IMPG1: variants seen among roughly 807,000 people sequenced by gnomAD.
IMPG1 encodes the protein interphotoreceptor matrix proteoglycan of 150 kDa.
In IMPG1, 85 loss-of-function variants were observed where a neutral mutation model predicts 92.0. The observed-to-expected ratio is 0.92, with a 90% CI of 0.78 to 1.11. The LOEUF is 1.11. Among genes scored for constraint, IMPG1 ranks in the 50% least tolerant of loss-of-function variants. The pLI is 0.00. For missense variants in IMPG1, 1,022 were observed against 956.0 expected, an observed-to-expected ratio of 1.07 and a Z score of -0.91; for synonymous variants, 367 against 334.1, an observed-to-expected ratio of 1.10 and a Z score of -1.08.
At chr6:75,925,718 T>G (rs1781538655) in intron 15 of IMPG1, among the ~76,000 whole-genome samples, 2 of 152,130 alleles carry the variant, frequency 1.3e-5, no homozygotes, top group Admixed American at 6.6e-5. Flanking sequence ...CAGGCTGGAG[T>G]GCAGTGGCAT....
intron 12 of IMPG1, among the ~76,000 whole-genome samples, chr6:75,990,552 G>C (rs1156724655): frequency 6.6e-6 from 1 of 150,970 alleles, no homozygotes; most frequent in Non-Finnish European, 1.5e-5. Flanking sequence ...CCAGGAGTTT[G>C]GGAACAGCCT....
In IMPG1 at chr6:75,921,439, C is replaced by T. The variant is rs534392955; in HGVS notation, c.*650G>A. On this transcript the variant is annotated 3_prime_UTR_variant, in exon 17 of 17. Coordinates refer to ENST00000369950, the MANE Select transcript of IMPG1 (RefSeq NM_001563.4). ...TAGTAACAAGAAAAGTAAGATTTTT[C>T]CATGGTATGTGTATCTGAACCTCAG... 1 of 152,532 alleles carries T rather than the reference C, an allele frequency of 6.6e-6. No individual in the cohort carries two copies. The highest frequency in any genetic ancestry group is 1.9e-4 in the East Asian group (1 of 5,186). 9.4% of individuals were successfully genotyped at this position (152,532 alleles called of 1,614,324 possible).
At chr6:76,013,489 A>G (rs536615933) in intron 7 of IMPG1, among the ~76,000 whole-genome samples, 2 of 152,168 alleles carry the variant, frequency 1.3e-5, no homozygotes, top group East Asian at 1.9e-4. Context: ...CAGCTCAGAC[A>G]TCTTCTGTAC....
At position 76,002,935 on chromosome 6, in the gene IMPG1, G is replaced by T. The variant is rs1562365582; in HGVS notation, c.1274C>A (p.Ala425Glu). The change falls in exon 12 of 17, where the codon GCA becomes GAA. Residue 425 changes from alanine (A) to glutamate (E), a missense_variant. Around this residue, in one of 3 missense-constraint regions of IMPG1, gnomAD observed 681 missense variants for 583.6 expected, o/e 1.17. Coordinates refer to ENST00000369950, the MANE Select transcript of IMPG1 (RefSeq NM_001563.4). ...VEPQLETVDG[A>E]EHGLPDTSWS... ...AAACTTACCAGGTAGACCATGCTCT[G>T]CTCCGTCCACTGTCTCAAGCTGGGG... The T allele has an allele frequency of 1.2e-6, 2 of 1,613,084 alleles. No homozygotes were observed. The highest frequency in any genetic ancestry group is 8.5e-7 in the Non-Finnish European group (1 of 1,179,176).
At chr6:76,036,640 T>C (rs369443028) in intron 2 of IMPG1, among the ~76,000 whole-genome samples, 2 of 152,174 alleles carry the variant, frequency 1.3e-5, no homozygotes, top group Non-Finnish European at 2.9e-5. Context: ...TTTTCAAGGA[T>C]AAACATAAAT....
At chr6:75,942,411 A>G (rs2149454321) in intron 14 of IMPG1, among the ~76,000 whole-genome samples, 1 of 152,326 alleles carries the variant, frequency 6.6e-6, no homozygotes, top group Admixed American at 6.5e-5. Flanking sequence ...GATTTTGAGC[A>G]TCATTTTCTC....
chr6:75,949,208 G>A (rs1404915286), intron 13 of IMPG1, among the ~76,000 whole-genome samples: 1 of 152,214 alleles, frequency 6.6e-6, no homozygotes, highest in Non-Finnish European at 1.5e-5. Flanking sequence ...CTACTGGGCT[G>A]CATTCCCAGA....
intron 15 of IMPG1, among the ~76,000 whole-genome samples, chr6:75,924,742 A>T (rs867524291): frequency 0.026 from 1,554 of 59,090 alleles, 353 homozygotes; most frequent in East Asian, 0.12. Flanking sequence ...TATAATATAT[A>T]ATATATAATA....
At position 76,003,876 on chromosome 6, in the gene IMPG1, C is replaced by T; in HGVS notation, c.1210G>A (p.Glu404Lys). The T allele has an allele frequency of 6.2e-7, 1 of 1,610,320 alleles. No homozygotes were observed. The highest frequency in any genetic ancestry group is 8.5e-7 in the Non-Finnish European group (1 of 1,178,098). Residue 404 changes from glutamate to lysine, a missense_variant and splice_region_variant, in exon 11 of 17, where the codon GAG becomes AAG. By Grantham distance (56) the Glu-to-Lys change is moderately conservative (BLOSUM62 1). Around this residue, in one of 3 missense-constraint regions of IMPG1, gnomAD observed 681 missense variants for 583.6 expected, o/e 1.17. Coordinates refer to ENST00000369950, the MANE Select transcript of IMPG1 (RefSeq NM_001563.4). ...ELPTSFAVITEDATLSPELPP... is the reference protein window; with the variant it reads ...ELPTSFAVITKDATLSPELPP... ...GAACAAAAGGACAACAAACTTACCT[C>T]TGTTATAACAGCAAAAGATGTGGGC... is the stretch of plus-strand genomic sequence containing the variant.
chr6:75,964,059 T>G (rs1782258185), intron 12 of IMPG1, among the ~76,000 whole-genome samples: 1 of 152,178 alleles, frequency 6.6e-6, no homozygotes, highest in Non-Finnish European at 1.5e-5. Context: ...GAAAAAGCAC[T>G]TTCAAAAGCT....
At chr6:75,961,396 T>A (rs186047883) in intron 12 of IMPG1, among the ~76,000 whole-genome samples, 99 of 152,318 alleles carry the variant, frequency 6.5e-4, no homozygotes, top group African/African-American at 2.2e-3. Flanking sequence ...AAAATGTTAA[T>A]TATCCACTCA....
chr6:76,055,341 T>C (rs766494528), intron 1 of IMPG1, among the ~76,000 whole-genome samples: 54 of 152,188 alleles, frequency 3.5e-4, no homozygotes, highest in Non-Finnish European at 6.5e-4. Context: ...TTATCGTTAT[T>C]AGAGAGTATT....
chr6:75,980,254 C>G (rs564120555), intron 12 of IMPG1, among the ~76,000 whole-genome samples: 7 of 152,246 alleles, frequency 4.6e-5, no homozygotes, highest in South Asian at 4.1e-4. Flanking sequence ...GTAAATTAAA[C>G]TTTATGAAAC....
intron 2 of IMPG1, among the ~76,000 whole-genome samples, chr6:76,035,286 T>A: frequency 6.6e-6 from 1 of 151,862 alleles, no homozygotes; most frequent in African/African-American, 2.4e-5. Flanking sequence ...GCGGATCACC[T>A]GAGGTCAGGA....
At chr6:75,938,236 G>C (rs1055548078) in intron 14 of IMPG1, among the ~76,000 whole-genome samples, 1 of 152,166 alleles carries the variant, frequency 6.6e-6, no homozygotes, top group Admixed American at 6.5e-5. Context: ...TCCTCATTTA[G>C]AGGATGCATC....
chr6:75,988,852 T>A (rs562264774), intron 12 of IMPG1, among the ~76,000 whole-genome samples: 31 of 152,286 alleles, frequency 2.0e-4, no homozygotes, highest in Non-Finnish European at 4.3e-4. Context: ...CCAGCATTGA[T>A]GTTTGTGTCT....
At chr6:76,054,621 G>A (rs2794292) in intron 1 of IMPG1, among the ~76,000 whole-genome samples, 151,955 of 152,288 alleles carry the variant, frequency 1, 75,811 homozygotes, top group Non-Finnish European at 1. Context: ...AAGTCAGAGC[G>A]TTGCTGGTAA....
chr6:75,976,079 G>A (rs546760278), intron 12 of IMPG1, among the ~76,000 whole-genome samples: 15 of 151,994 alleles, frequency 9.9e-5, no homozygotes, highest in Admixed American at 8.5e-4. Flanking sequence ...TCTGTTCTTT[G>A]GATTATTTTT....
intron 16 of IMPG1, among the ~76,000 whole-genome samples, chr6:75,922,764 T>C (rs1285817059): frequency 6.6e-6 from 1 of 152,184 alleles, no homozygotes; most frequent in Non-Finnish European, 1.5e-5. Context: ...CAATTTTCTT[T>C]GTTTCAGGAA....
Sources: allele counts gnomAD v4.1 joint callset (sites outside exome capture counted in the v4.1 genomes callset), GRCh38; gene constraint gnomAD v4.1.1; regional missense constraint gnomAD v4.1.1; transcripts MANE v1.5; gene names NCBI Gene and HGNC (gene_info 2026-07-23, HGNC 2026-07-21).